Variants in USP31 observed in about 807,000 individuals in gnomAD.
The protein encoded by USP31 is ubiquitin carboxyl-terminal hydrolase 31.
Under a neutral mutation model 119.4 loss-of-function variants are expected in USP31, and 44 were observed. The observed-to-expected ratio is 0.37, with a 90% CI of 0.29 to 0.47. The LOEUF (loss-of-function observed/expected upper bound fraction) is 0.47. Ranked by LOEUF, USP31 falls within the 20% of genes least tolerant of loss-of-function variation. The pLI is 0.99. For synonymous variants in USP31, 749 were observed against 705.6 expected (o/e 1.06, Z -0.97); for missense variants, 1,643 against 1,730.2 (o/e 0.95, Z 0.89).
At chr16:23,073,170 G>A (rs1003548919) in intron 14 of USP31, among the ~76,000 whole-genome samples, 7 of 152,024 alleles carry the variant, frequency 4.6e-5, no homozygotes, top group African/African-American at 9.7e-5. Flanking sequence ...GATGTCATCC[G>A]GCTAAACCCA....
intron 1 of USP31, among the ~76,000 whole-genome samples, chr16:23,123,528 G>A (rs1279557830): frequency 1.3e-5 from 2 of 151,752 alleles, no homozygotes; most frequent in Non-Finnish European, 2.9e-5. Context: ...ACAGAACAAG[G>A]CTGCATCTCA....
chr16:23,077,499 G>A (rs1229967232), intron 13 of USP31, among the ~76,000 whole-genome samples: 2 of 152,148 alleles, frequency 1.3e-5, no homozygotes, highest in African/African-American at 4.8e-5. Context: ...GGCTGATGGG[G>A]AGGGAGGTTC....
At chr16:23,111,072 G>T (rs1008304705) in intron 1 of USP31, among the ~76,000 whole-genome samples, 1 of 152,180 alleles carries the variant, frequency 6.6e-6, no homozygotes, top group African/African-American at 2.4e-5. Context: ...CGCTTGCAGT[G>T]AGCCAAGATC....
Position 23,062,803 on chromosome 16 carries a change from T to C in USP31, c.*5243A>G, listed in dbSNP as rs2141814983. On this transcript the variant is annotated 3_prime_UTR_variant, in exon 16 of 16. Coordinates refer to ENST00000219689, the MANE Select transcript of USP31 (RefSeq NM_020718.4). ...CTGGGCCTTGAATCAGAAGGGCCCTTGTATTTCAAATGGGAGTTTGATATC... is the reference window on the plus strand; with the variant it reads ...CTGGGCCTTGAATCAGAAGGGCCCTCGTATTTCAAATGGGAGTTTGATATC... 1 of 152,770 alleles carries C rather than the reference T, an allele frequency of 6.5e-6. No homozygotes were observed. Among genetic ancestry groups the C allele is most frequent in the Admixed American group, 6.5e-5 (1 of 15,308 alleles). 9.5% of individuals were successfully genotyped at this position (152,770 alleles called of 1,614,324 possible).
At chr16:23,098,324 G>A (rs186301712) in intron 6 of USP31, among the ~76,000 whole-genome samples, 2,163 of 152,190 alleles carry the variant, frequency 0.014, 40 homozygotes, top group Admixed American at 0.057. Flanking sequence ...AAATAAAAGA[G>A]GACACAAACA....
chr16:23,077,522 TAGAGA>T (rs1242227362), intron 13 of USP31, among the ~76,000 whole-genome samples: 1 of 152,078 alleles, frequency 6.6e-6, no homozygotes, highest in Non-Finnish European at 1.5e-5. Context: ...GGCTAAATAC[TAGAGA>T]AAAGAGTCCC....
At chr16:23,099,229 C>T (rs548372168) in intron 6 of USP31, among the ~76,000 whole-genome samples, 4 of 152,326 alleles carry the variant, frequency 2.6e-5, no homozygotes, top group East Asian at 1.9e-4. Flanking sequence ...TGCTCATCAT[C>T]ACTGGTCATC....
intron 6 of USP31, among the ~76,000 whole-genome samples, chr16:23,096,465 T>G: frequency 6.6e-6 from 1 of 152,172 alleles, no homozygotes; most frequent in East Asian, 1.9e-4. Flanking sequence ...TATCCAGGAC[T>G]TGAACTCAGC....
chr16:23,093,317 C>T (rs1204274781), intron 6 of USP31, among the ~76,000 whole-genome samples: 1 of 152,056 alleles, frequency 6.6e-6, no homozygotes, highest in Non-Finnish European at 1.5e-5. Context: ...AGAATTCTTA[C>T]AACTCAACAA....
At chr16:23,107,594 A>G (rs1902159276) in intron 2 of USP31, among the ~76,000 whole-genome samples, 1 of 152,192 alleles carries the variant, frequency 6.6e-6, no homozygotes, top group African/African-American at 2.4e-5. Flanking sequence ...ATTAAGAATT[A>G]ATTGCTATGT....
At chr16:23,079,153 C>T (rs1379997506) in intron 13 of USP31, 1 of 152,040 alleles carries the variant, frequency 6.6e-6, no homozygotes, top group Admixed American at 6.5e-5. Context: ...AATGGTTGCA[C>T]AACAATGTGA....
chr16:23,089,649 T>G (rs762000747), intron 7 of USP31, among the ~76,000 whole-genome samples: 3 of 152,234 alleles, frequency 2.0e-5, no homozygotes, highest in Middle Eastern at 3.2e-3. Context: ...TAAGAAACAC[T>G]GAGTCCTTTC....
At position 23,087,616 on chromosome 16, in the gene USP31, T is replaced by C. The variant is rs1045718235; in HGVS notation, c.1527+108A>G. The C allele has an allele frequency of 3.0e-6, 3 of 1,014,942 alleles. No individual in the cohort carries two copies. In the African/African-American group the frequency reaches 4.9e-5, roughly 16 times the overall value. 62.9% of individuals were successfully genotyped at this position (1,014,942 alleles called of 1,614,324 possible). On this transcript the variant is annotated intron_variant, in intron 8 of 15. Transcript: ENST00000219689. Reference sequence around the variant, plus strand: ...CTCTTTCATAAAATGAGGGATAAATTCTCAGTCCTGGAAATCTAAACACAA... The same window carrying C: ...CTCTTTCATAAAATGAGGGATAAATCCTCAGTCCTGGAAATCTAAACACAA...
At chr16:23,082,650 C>A in intron 11 of USP31, 93 bp from the exon 12 acceptor site, 1 of 1,545,566 alleles carries the variant, frequency 6.5e-7, no homozygotes, top group Non-Finnish European at 8.8e-7. Context: ...TGGTGCAACT[C>A]AAAATCTCTC....
chr16:23,096,786 T>C (rs140837873), intron 6 of USP31, among the ~76,000 whole-genome samples: 1,051 of 152,304 alleles, frequency 6.9e-3, no homozygotes, highest in Non-Finnish European at 0.011. Flanking sequence ...AGATGTTCTT[T>C]GAAACCAATG....
At chr16:23,087,528 C>T (rs535422379) in intron 8 of USP31, among the ~76,000 whole-genome samples, 196 bp downstream of exon 8, 1 of 152,186 alleles carries the variant, frequency 6.6e-6, no homozygotes, top group South Asian at 2.1e-4. Context: ...ATGTATTGAA[C>T]GTTATTAGAT....
chr16:23,071,747 GAA>G (rs11383816), intron 15 of USP31, among the ~76,000 whole-genome samples: 1 of 145,668 alleles, frequency 6.9e-6, no homozygotes, highest in Non-Finnish European at 1.5e-5. Context: ...AACACTTTGG[GAA>G]AAAAAAAAAA....
chr16:23,074,531 T>C (rs995107932), intron 13 of USP31, among the ~76,000 whole-genome samples: 3 of 152,226 alleles, frequency 2.0e-5, no homozygotes, highest in Non-Finnish European at 4.4e-5. Context: ...TTGAAAAAGA[T>C]TAATCTGCTT....
At chr16:23,110,827 G>C (rs183690402) in intron 1 of USP31, among the ~76,000 whole-genome samples, 3 of 152,078 alleles carry the variant, frequency 2.0e-5, no homozygotes, top group African/African-American at 7.2e-5. Context: ...ATTATATATG[G>C]GAGTAAAGAG....
Sources: allele counts gnomAD v4.1 joint callset (sites outside exome capture counted in the v4.1 genomes callset), GRCh38; gene constraint gnomAD v4.1.1; transcripts MANE v1.5; gene names NCBI Gene and HGNC (gene_info 2026-07-23, HGNC 2026-07-21).